The following HMGN3 variants were observed in gnomAD, a reference collection of about 807,000 sequenced individuals.
The protein encoded by HMGN3 is high mobility group nucleosome-binding domain-containing protein 3.
Under a neutral mutation model 18.8 loss-of-function variants are expected in HMGN3, and 6 were observed. That is an observed-to-expected ratio of 0.32 (90% CI 0.18 to 0.63). The LOEUF (loss-of-function observed/expected upper bound fraction) is 0.63. Ranked by LOEUF, HMGN3 falls within the 30% of genes least tolerant of loss-of-function variation. HMGN3 has a pLI of 0.79. For missense variants in HMGN3, 107 were observed against 114.2 expected (o/e 0.94, Z 0.29); for synonymous variants, 40 against 36.5 (o/e 1.10, Z -0.35).
chr6:79,209,746 A>C (rs902016932), intron 2 of HMGN3, among the ~76,000 whole-genome samples: 3 of 152,226 alleles, frequency 2.0e-5, no homozygotes, highest in African/African-American at 7.2e-5. Flanking sequence ...GTCAGGCCAA[A>C]CTGGAAGAAA....
intron 2 of HMGN3, among the ~76,000 whole-genome samples, chr6:79,212,043 T>TAG (rs1554164670): frequency 3.5e-5 from 5 of 143,770 alleles, no homozygotes; most frequent in Non-Finnish European, 7.5e-5. Context: ...CTTTTAATTC[T>TAG]AAAAAAAAAA....
At chr6:79,234,366 TGG>T in intron 1 of HMGN3, 178 bp downstream of exon 1, 1 of 464,666 alleles carries the variant, frequency 2.2e-6, no homozygotes, top group Non-Finnish European at 3.8e-6. Context: ...GAGGACGGAG[TGG>T]GTAGGGGGGA....
chr6:79,232,752 G>A (rs562854335), intron 1 of HMGN3, among the ~76,000 whole-genome samples: 1 of 152,050 alleles, frequency 6.6e-6, no homozygotes, highest in Non-Finnish European at 1.5e-5. Context: ...CTAACCTACT[G>A]TTTATGTAAA....
chr6:79,215,561 C>A (rs746763990), intron 1 of HMGN3, among the ~76,000 whole-genome samples: 2 of 152,216 alleles, frequency 1.3e-5, no homozygotes, highest in African/African-American at 2.4e-5. Flanking sequence ...ACTCCAGCAT[C>A]TCTACTAAAC....
At chr6:79,210,697 A>G (rs1776643602) in intron 2 of HMGN3, among the ~76,000 whole-genome samples, 1 of 152,152 alleles carries the variant, frequency 6.6e-6, no homozygotes, top group Admixed American at 6.5e-5. Flanking sequence ...AAAAGGGTCC[A>G]AACATGTTAG....
exon 1 of HMGN3, chr6:79,234,647 G>T: frequency 7.4e-7 from 1 of 1,350,276 alleles, no homozygotes; most frequent in Non-Finnish European, 1.1e-6. Context: ...CTCTGCAGCT[G>T]CTCACGCGCA....
chr6:79,220,384 T>C (rs1328250220), intron 1 of HMGN3, among the ~76,000 whole-genome samples: 1 of 152,238 alleles, frequency 6.6e-6, no homozygotes, highest in East Asian at 1.9e-4. Flanking sequence ...CCTTCCATTA[T>C]AATGACAAGT....
At chr6:79,201,556 C>T in exon 6 of HMGN3, 1 of 638,806 alleles carries the variant, frequency 1.6e-6, no homozygotes, top group African/African-American at 1.8e-5. Context: ...ATAAAATGTC[C>T]ATCCTTATAT....
chr6:79,206,753 A>G (rs1322566365), intron 3 of HMGN3, among the ~76,000 whole-genome samples: 1 of 152,182 alleles, frequency 6.6e-6, no homozygotes, highest in Non-Finnish European at 1.5e-5. Context: ...ATTCACTGTC[A>G]GTTTGCACCG....
intron 4 of HMGN3, 83 bp downstream of exon 4, chr6:79,203,497 C>A: frequency 8.6e-7 from 1 of 1,156,094 alleles, no homozygotes; most frequent in South Asian, 1.3e-5. Flanking sequence ...TTAAATACGG[C>A]CTTTCTTTGA....
chr6:79,233,544 G>T (rs1389908689), intron 1 of HMGN3, among the ~76,000 whole-genome samples: 1 of 151,976 alleles, frequency 6.6e-6, no homozygotes, highest in Non-Finnish European at 1.5e-5. Flanking sequence ...GCGGTGGGAG[G>T]GTGCAAAGCA....
intron 2 of HMGN3, among the ~76,000 whole-genome samples, chr6:79,214,497 G>A (rs565329459): frequency 9.9e-5 from 15 of 152,144 alleles, no homozygotes; most frequent in African/African-American, 2.4e-4. Flanking sequence ...CACTGCGCCC[G>A]GCCTATAGTT....
At chr6:79,210,214 G>A (rs887831794) in intron 2 of HMGN3, among the ~76,000 whole-genome samples, 1 of 152,072 alleles carries the variant, frequency 6.6e-6, no homozygotes, top group Non-Finnish European at 1.5e-5. Context: ...AAGTAAACCG[G>A]GCAATAAGAG....
intron 2 of HMGN3, among the ~76,000 whole-genome samples, chr6:79,210,567 T>C (rs189196061): frequency 7.2e-4 from 109 of 152,152 alleles, no homozygotes; most frequent in African/African-American, 2.5e-3. Flanking sequence ...GCAGGGGCCC[T>C]CAATAAGTGT....
At chr6:79,226,019 G>C (rs947126404) in intron 1 of HMGN3, among the ~76,000 whole-genome samples, 6 of 152,146 alleles carry the variant, frequency 3.9e-5, no homozygotes, top group African/African-American at 7.2e-5. Flanking sequence ...CATTCATTAG[G>C]CACTGTAGTT....
chr6:79,203,173 T>C (rs962542414), intron 4 of HMGN3, among the ~76,000 whole-genome samples: 68 of 152,284 alleles, frequency 4.5e-4, no homozygotes, highest in African/African-American at 1.4e-3. Context: ...GCTGGCATTA[T>C]TATATTATTA....
intron 3 of HMGN3, 33 bp downstream of exon 3, chr6:79,208,514 G>A (rs1332218742): frequency 1.9e-6 from 3 of 1,563,280 alleles, no homozygotes; most frequent in Non-Finnish European, 2.6e-6. Flanking sequence ...GTACTCATAA[G>A]AACTAACACT....
intron 5 of HMGN3, 64 bp downstream of exon 6, chr6:79,201,999 C>A (rs1036793983): frequency 1.6e-4 from 236 of 1,473,320 alleles, no homozygotes; most frequent in South Asian, 2.7e-4. Flanking sequence ...AAAAAAAAAA[C>A]CACCACACTA....
chr6:79,215,568 A>G (rs1449861755), intron 1 of HMGN3, among the ~76,000 whole-genome samples: 1 of 152,186 alleles, frequency 6.6e-6, no homozygotes, highest in African/African-American at 2.4e-5. Flanking sequence ...CATCTCTACT[A>G]AACTCCCAGC....
Sources: allele counts gnomAD v4.1 joint callset (sites outside exome capture counted in the v4.1 genomes callset), GRCh38; gene constraint gnomAD v4.1.1; transcripts MANE v1.5; gene names NCBI Gene and HGNC (gene_info 2026-07-23, HGNC 2026-07-21).